BTBD10: variants seen among roughly 807,000 people sequenced by gnomAD.
BTBD10 encodes BTB domain containing 10, also known as BTB/POZ domain-containing protein 10.
Under a neutral mutation model 53.2 loss-of-function variants are expected in BTBD10, and 21 were observed. That is an observed-to-expected ratio of 0.39 (90% CI 0.28 to 0.57). The LOEUF is 0.57. Ranked by LOEUF, BTBD10 falls within the 20% of genes least tolerant of loss-of-function variation. The pLI is 0.53. For synonymous variants in BTBD10, 149 were observed against 192.7 expected (o/e 0.77, Z 1.88); for missense variants, 360 against 594.7 (o/e 0.61, Z 4.10).
chr11:13,416,699 G>A (rs890280288), intron 5 of BTBD10, among the ~76,000 whole-genome samples: 2 of 152,142 alleles, frequency 1.3e-5, no homozygotes, highest in Non-Finnish European at 1.5e-5. Flanking sequence ...ATGAGAGCAT[G>A]GCATGGTGGC....
intron 6 of BTBD10, among the ~76,000 whole-genome samples, chr11:13,406,594 AGAGT>A (rs1949835745): frequency 7.2e-6 from 1 of 138,956 alleles, no homozygotes; most frequent in Admixed American, 7.7e-5. Context: ...AGAGAAACAG[AGAGT>A]GAGCCAGAGA....
intron 2 of BTBD10, among the ~76,000 whole-genome samples, chr11:13,443,776 G>A (rs1242085417): frequency 1.3e-5 from 2 of 152,012 alleles, no homozygotes; most frequent in Non-Finnish European, 2.9e-5. Context: ...TACAGACAGG[G>A]TTTTGTCACG....
chr11:13,462,988 GGCTCTCA>G (rs1951136968), intron 1 of BTBD10, 97 bp downstream of exon 1: 1 of 153,014 alleles, frequency 6.5e-6, no homozygotes, highest in East Asian at 1.9e-4. Flanking sequence ...GCAGCAGCCT[GGCTCTCA>G]CGCCCAGATT....
chr11:13,414,503 A>T (rs1950045712), intron 5 of BTBD10, among the ~76,000 whole-genome samples: 1 of 152,036 alleles, frequency 6.6e-6, no homozygotes, highest in Non-Finnish European at 1.5e-5. Flanking sequence ...AATACAAAAA[A>T]ATTAGCCGGG....
intron 6 of BTBD10, among the ~76,000 whole-genome samples, chr11:13,407,049 T>C (rs1949847546): frequency 6.6e-6 from 1 of 152,122 alleles, no homozygotes; most frequent in Non-Finnish European, 1.5e-5. Context: ...AATAACCATC[T>C]TTTGGTCCTG....
chr11:13,432,097 A>G, intron 2 of BTBD10, among the ~76,000 whole-genome samples: 1 of 152,028 alleles, frequency 6.6e-6, no homozygotes, highest in East Asian at 1.9e-4. Flanking sequence ...GAATGAAAAA[A>G]CCCAAACCCA....
intron 8 of BTBD10, among the ~76,000 whole-genome samples, chr11:13,396,255 A>G (rs1478122421): frequency 6.6e-6 from 1 of 152,110 alleles, no homozygotes; most frequent in African/African-American, 2.4e-5. Flanking sequence ...GGTCCTTCAC[A>G]TCCCTTGTAA....
intron 2 of BTBD10, among the ~76,000 whole-genome samples, chr11:13,443,265 TA>T (rs1950694441): frequency 6.6e-6 from 1 of 151,176 alleles, no homozygotes. Context: ...AAAAAAAGAA[TA>T]AAAACAGCAC....
At position 13,390,468 on chromosome 11, in the gene BTBD10, C is replaced by G. The variant is rs193225282; in HGVS notation, c.1118-1327G>C. ...AAGAGATTCTCCTGCCTCAGCCTCT[C>G]GAGTAGCTGGGACTACAGGCGCCTG... On this transcript the variant is annotated intron_variant, in intron 8 of 8. Coordinates refer to ENST00000278174, the MANE Select transcript of BTBD10 (RefSeq NM_032320.7). 6.3e-3 allele frequency among the ~76,000 whole-genome samples: 957 copies of G among 152,032 alleles called. 12 individuals carry two copies. The highest frequency in any genetic ancestry group is 0.022 in the African/African-American group (892 of 41,438).
chr11:13,392,162 A>G (rs1466120731), intron 8 of BTBD10, among the ~76,000 whole-genome samples: 1 of 152,256 alleles, frequency 6.6e-6, no homozygotes, highest in Non-Finnish European at 1.5e-5. Context: ...AAGAGCAAAT[A>G]TACGTACATA....
chr11:13,394,828 T>A (rs1239944306), intron 8 of BTBD10, among the ~76,000 whole-genome samples: 2 of 152,012 alleles, frequency 1.3e-5, no homozygotes, highest in Non-Finnish European at 2.9e-5. Flanking sequence ...TTGCTGAGAA[T>A]GATGGTTTCC....
intron 8 of BTBD10, among the ~76,000 whole-genome samples, chr11:13,399,098 T>C (rs1949640827): frequency 6.6e-6 from 1 of 152,242 alleles, no homozygotes; most frequent in Non-Finnish European, 1.5e-5. Flanking sequence ...TGGCCTTCCT[T>C]GCTAGATTGG....
intron 1 of BTBD10, among the ~76,000 whole-genome samples, chr11:13,456,973 C>A (rs1374311269): frequency 2.6e-5 from 4 of 152,050 alleles, no homozygotes; most frequent in African/African-American, 9.7e-5. Context: ...CCAGCCTGGG[C>A]AACATGGTGA....
chr11:13,434,297 A>C (rs533914282), intron 2 of BTBD10, among the ~76,000 whole-genome samples: 37 of 152,312 alleles, frequency 2.4e-4, no homozygotes, highest in Non-Finnish European at 4.4e-5. Context: ...TGTTATAAGG[A>C]AAAATAAAGG....
At chr11:13,429,932 T>C (rs1381662913) in intron 2 of BTBD10, among the ~76,000 whole-genome samples, 1 of 148,630 alleles carries the variant, frequency 6.7e-6, no homozygotes, top group Non-Finnish European at 1.5e-5. Flanking sequence ...AGTGAGACCA[T>C]TTCTACAAAA....
intron 7 of BTBD10, among the ~76,000 whole-genome samples, chr11:13,404,896 T>C (rs1649486779): frequency 1.3e-5 from 2 of 152,116 alleles, no homozygotes; most frequent in African/African-American, 4.8e-5. Context: ...AGAGATAAGG[T>C]GTTTTGGTAC....
intron 1 of BTBD10, among the ~76,000 whole-genome samples, chr11:13,459,061 T>TC (rs1555034664): frequency 2.2e-5 from 3 of 136,758 alleles, no homozygotes; most frequent in Non-Finnish European, 4.7e-5. Flanking sequence ...TTTATTTATT[T>TC]TTTTTTTTTT....
chr11:13,419,088 AT>A (rs1038932607), intron 4 of BTBD10, among the ~76,000 whole-genome samples: 15 of 141,874 alleles, frequency 1.1e-4, no homozygotes, highest in Non-Finnish European at 2.1e-4. Context: ...GATTGTTTAT[AT>A]TTTGTGATTG....
At chr11:13,420,025 G>A (rs1950211491) in intron 3 of BTBD10, among the ~76,000 whole-genome samples, 1 of 151,898 alleles carries the variant, frequency 6.6e-6, no homozygotes, top group African/African-American at 2.4e-5. Context: ...CAAGACTAAG[G>A]AAAATTTTAT....
Sources: allele counts gnomAD v4.1 joint callset (sites outside exome capture counted in the v4.1 genomes callset), GRCh38; gene constraint gnomAD v4.1.1; transcripts MANE v1.5; gene names NCBI Gene and HGNC (gene_info 2026-07-23, HGNC 2026-07-21).